TECPR2: variants seen among roughly 807,000 people sequenced by gnomAD.
The protein encoded by TECPR2 is tectonin beta-propeller repeat containing 2.
Under a neutral mutation model 138.1 loss-of-function variants are expected in TECPR2, and 65 were observed. That is an observed-to-expected ratio of 0.47 (90% CI 0.39 to 0.58). The LOEUF (loss-of-function observed/expected upper bound fraction) is 0.58, where lower values mean the gene tolerates loss of function less well. Ranked by LOEUF, TECPR2 falls within the 20% of genes least tolerant of loss-of-function variation. The pLI is 0.00. For missense variants in TECPR2, 1,553 were observed against 1,824.5 expected (o/e 0.85, Z 2.71); for synonymous variants, 746 against 749.8 (o/e 0.99, Z 0.08).
At position 102,465,283 on chromosome 14, in the gene TECPR2, T is replaced by C. The variant is rs2139771750; in HGVS notation, c.3783T>C (p.Pro1261=). 1.2e-6 allele frequency: 2 copies of C among 1,613,594 alleles called. No individual in the cohort carries two copies. The highest frequency in any genetic ancestry group is 2.2e-5 in the East Asian group (1 of 44,854). ...MLPAWIMIEP[P]VQPAGVSLVS... Reference sequence around the variant, plus strand: ...CAGCCTGGATAATGATTGAGCCACCTGTCCAGGTAAGCAGAAGTTAGCTGG... The same window carrying C: ...CAGCCTGGATAATGATTGAGCCACCCGTCCAGGTAAGCAGAAGTTAGCTGG... The change falls in exon 17 of 20, where the codon CCT becomes CCC. Residue 1261 remains proline (P), a synonymous_variant. Transcript: ENST00000359520.
intron 4 of TECPR2, among the ~76,000 whole-genome samples, chr14:102,409,885 A>C (rs1595108769): frequency 6.6e-6 from 1 of 151,902 alleles, no homozygotes; most frequent in African/African-American, 2.4e-5. Flanking sequence ...GCTCACTGCA[A>C]CCTCCGCCTC....
At chr14:102,457,818 C>G (rs990460869) in intron 16 of TECPR2, among the ~76,000 whole-genome samples, 1 of 150,782 alleles carries the variant, frequency 6.6e-6, no homozygotes. Context: ...TTTAGCCTCC[C>G]CCAATTGTGC....
chr14:102,392,521 G>A (rs898483831), intron 2 of TECPR2, among the ~76,000 whole-genome samples: 2 of 151,972 alleles, frequency 1.3e-5, no homozygotes, highest in African/African-American at 2.4e-5. Context: ...TCCAATAGTA[G>A]TTGTTCTTTG....
chr14:102,425,209 G>A lies in TECPR2; in HGVS notation c.869G>A (p.Gly290Glu). The A allele has an allele frequency of 1.9e-6, 3 of 1,614,004 alleles. No homozygotes were observed. Among genetic ancestry groups the A allele is most frequent in the Non-Finnish European group, 2.5e-6 (3 of 1,179,932 alleles). The part of the protein sequence containing the change: ...GSCSLPERHL[G>E]LVSCFFQEGW... Reference sequence around the variant, plus strand: ...TGCAGCTTACCTGAGAGGCACCTGGGGCTTGTTTCATGTTTCTTTCAAGAA... The same window carrying A: ...TGCAGCTTACCTGAGAGGCACCTGGAGCTTGTTTCATGTTTCTTTCAAGAA... The change falls in exon 6 of 20, where the codon GGG becomes GAG. Residue 290 changes from glycine (G) to glutamate (E), a missense_variant. Gly to Glu is a moderately conservative substitution (Grantham distance 98). Coordinates refer to ENST00000359520, the MANE Select transcript of TECPR2 (RefSeq NM_014844.5).
chr14:102,396,585 A>G (rs1269482218), intron 2 of TECPR2, among the ~76,000 whole-genome samples: 1 of 152,172 alleles, frequency 6.6e-6, no homozygotes, highest in Non-Finnish European at 1.5e-5. Flanking sequence ...ATCTGTCTCC[A>G]CACCTAGACA....
chr14:102,363,083 G>C lies in TECPR2; in HGVS notation c.-106G>C. On this transcript the variant is annotated 5_prime_UTR_variant, in exon 1 of 20. Transcript: ENST00000359520. ...TCCATCCCGCCTCCTCCGGCCCGGC[G>C]GGGCCGACGAGTCCGGAGGGGCTGC... 2.1e-6 allele frequency: 1 copy of C among 486,388 alleles called. No individual in the cohort carries two copies. The highest frequency in any genetic ancestry group is 3.6e-6 in the Non-Finnish European group (1 of 280,958). 30.1% of individuals were successfully genotyped at this position (486,388 alleles called of 1,614,324 possible). A position where few individuals can be genotyped will look rare whatever the true frequency, so the allele number is the denominator to read the frequency against.
chr14:102,381,318 A>T (rs911190984), intron 2 of TECPR2, among the ~76,000 whole-genome samples: 1 of 152,332 alleles, frequency 6.6e-6, no homozygotes, highest in South Asian at 2.1e-4. Flanking sequence ...CACACCTGTA[A>T]TTCCAGAACT....
intron 6 of TECPR2, among the ~76,000 whole-genome samples, 193 bp from the exon 7 acceptor site, chr14:102,428,056 CT>C (rs1353318849): frequency 6.6e-6 from 1 of 152,112 alleles, no homozygotes; most frequent in Non-Finnish European, 1.5e-5. Context: ...CAGGGGACCC[CT>C]CAGATCCTGC....
intron 2 of TECPR2, among the ~76,000 whole-genome samples, chr14:102,392,175 A>G (rs560606422): frequency 1.1e-4 from 17 of 151,994 alleles, no homozygotes; most frequent in South Asian, 2.1e-4. Flanking sequence ...TATTTTTAGT[A>G]GAGACGGGGT....
At chr14:102,453,398 T>C (rs1308719870) in intron 16 of TECPR2, among the ~76,000 whole-genome samples, 1 of 151,772 alleles carries the variant, frequency 6.6e-6, no homozygotes, top group Non-Finnish European at 1.5e-5. Context: ...GAGAATTGCT[T>C]GAACCCGGGA....
chr14:102,396,932 T>C (rs1159319307), intron 2 of TECPR2, among the ~76,000 whole-genome samples: 2 of 152,214 alleles, frequency 1.3e-5, no homozygotes, highest in Non-Finnish European at 2.9e-5. Flanking sequence ...CTCCTCATTA[T>C]TGCAAGTTCT....
At chr14:102,446,460 A>G (rs1185305135) in intron 13 of TECPR2, among the ~76,000 whole-genome samples, 1 of 151,640 alleles carries the variant, frequency 6.6e-6, no homozygotes, top group Non-Finnish European at 1.5e-5. Flanking sequence ...TTAGTTGGAC[A>G]TGGTGGCACA....
intron 16 of TECPR2, among the ~76,000 whole-genome samples, chr14:102,454,215 C>A (rs1169835596): frequency 6.6e-6 from 1 of 152,138 alleles, no homozygotes; most frequent in Non-Finnish European, 1.5e-5. Flanking sequence ...TCCCCAAGCC[C>A]CTGGCTGCAT....
intron 1 of TECPR2, among the ~76,000 whole-genome samples, chr14:102,365,769 A>G (rs1159208206): frequency 6.6e-6 from 1 of 152,108 alleles, no homozygotes; most frequent in Non-Finnish European, 1.5e-5. Context: ...CAGTGTGTGG[A>G]TGGAAGAGTG....
intron 17 of TECPR2, among the ~76,000 whole-genome samples, chr14:102,486,325 G>C (rs1264313778): frequency 6.6e-6 from 1 of 152,060 alleles, no homozygotes; most frequent in African/African-American, 2.4e-5. Context: ...TTTGAGTTAG[G>C]CTCTTGTTCC....
intron 17 of TECPR2, among the ~76,000 whole-genome samples, chr14:102,490,995 A>C (rs1256278627): frequency 6.6e-6 from 1 of 152,126 alleles, no homozygotes; most frequent in East Asian, 1.9e-4. Context: ...CCCGGGTTCA[A>C]GTGATTCTCC....
intron 2 of TECPR2, among the ~76,000 whole-genome samples, chr14:102,397,648 G>C (rs1422777576): frequency 6.6e-6 from 1 of 152,186 alleles, no homozygotes; most frequent in Admixed American, 6.5e-5. Flanking sequence ...TTGGGAGGCT[G>C]AGGCAAGAGA....
At chr14:102,446,317 G>C (rs1022942463) in intron 13 of TECPR2, among the ~76,000 whole-genome samples, 3 of 152,122 alleles carry the variant, frequency 2.0e-5, no homozygotes, top group African/African-American at 7.2e-5. Flanking sequence ...GATCCACCCA[G>C]ACTGGGCAGA....
chr14:102,445,758 C>A (rs1342161796), intron 12 of TECPR2, 48 bp from the exon 13 acceptor site: 1 of 1,583,184 alleles, frequency 6.3e-7, no homozygotes. Flanking sequence ...ACACACTGGG[C>A]ACTCTGCCTA....
Sources: gnomAD v4.1 joint callset for allele counts (sites outside exome capture counted in the v4.1 genomes callset) on GRCh38, gnomAD v4.1.1 for gene constraint, MANE v1.5 for transcripts, NCBI Gene and HGNC (gene_info 2026-07-23, HGNC 2026-07-21) for gene names.